Variants in NCAM2 observed in about 807,000 individuals in gnomAD.
The protein encoded by NCAM2 is neural cell adhesion molecule 2, also known as N-CAM-2.
NCAM2 carries 30 observed loss-of-function variants against 98.1 expected under a neutral mutation model. That is an observed-to-expected ratio of 0.31 (90% CI 0.23 to 0.41). The LOEUF is 0.41. Ranked by LOEUF, NCAM2 falls within the 10% of genes least tolerant of loss-of-function variation. The probability of loss-of-function intolerance (pLI) is 1.00; values close to 1 mark genes in which losing one functional copy is unlikely to be tolerated. For missense variants in NCAM2, 867 were observed against 1,005.8 expected (o/e 0.86, Z 1.87); for synonymous variants, 368 against 342.4 (o/e 1.07, Z -0.83).
At chr21:21,115,692 C>T (rs950007590) in intron 1 of NCAM2, among the ~76,000 whole-genome samples, 6 of 152,172 alleles carry the variant, frequency 3.9e-5, no homozygotes, top group Non-Finnish European at 7.4e-5. Flanking sequence ...TATACTCTGA[C>T]ATAATTGTCT....
chr21:21,474,886 GTGTT>G (rs1984953200), intron 14 of NCAM2, among the ~76,000 whole-genome samples: 3 of 151,868 alleles, frequency 2.0e-5, no homozygotes, highest in Middle Eastern at 3.4e-3. Flanking sequence ...TATGTTGTGT[GTGTT>G]TGTGTGTGTA....
intron 5 of NCAM2, among the ~76,000 whole-genome samples, chr21:21,300,325 A>G (rs997869756): frequency 6.6e-6 from 1 of 152,066 alleles, no homozygotes; most frequent in Admixed American, 6.6e-5. Context: ...AGAGACTCTC[A>G]GGTAGAGTTC....
In NCAM2 at chr21:21,528,432, A is replaced by G. The variant is rs558658776; in HGVS notation, c.2283-6105A>G. ...GGAGATGTTGCTAATGGGGGAGGCT[A>G]TGCGTGTGTGGGAGCAGGGGATACG... On this transcript the variant is annotated intron_variant, in intron 16 of 17. Transcript: ENST00000400546. Among the ~76,000 whole-genome samples, 57 of 152,240 alleles carry G rather than the reference A, an allele frequency of 3.7e-4. No homozygotes were observed. In the South Asian group the frequency reaches 0.012, roughly 31 times the overall value.
In NCAM2 at chr21:21,470,067, C is replaced by T. The variant is rs971204478; in HGVS notation, c.1896+1284C>T. On this transcript the variant is annotated intron_variant, in intron 14 of 17. Transcript: ENST00000400546. ...GTTTGTAAGGAATTCTAATACAATCCCACAGTGGACTCTAAAATGCAATGA... is the reference window on the plus strand; with the variant it reads ...GTTTGTAAGGAATTCTAATACAATCTCACAGTGGACTCTAAAATGCAATGA... Among the ~76,000 whole-genome samples, 4 of 151,868 alleles carry T rather than the reference C, an allele frequency of 2.6e-5. No homozygotes were observed. In the South Asian group the frequency reaches 8.3e-4, roughly 31 times the overall value.
chr21:21,066,600 A>G (rs1379109380), intron 1 of NCAM2, among the ~76,000 whole-genome samples: 1 of 152,152 alleles, frequency 6.6e-6, no homozygotes, highest in African/African-American at 2.4e-5. Flanking sequence ...AAAGTTCAAT[A>G]TAAGTATAAA....
intron 1 of NCAM2, among the ~76,000 whole-genome samples, chr21:21,201,928 A>G (rs1389443925): frequency 6.6e-6 from 1 of 152,098 alleles, no homozygotes; most frequent in African/African-American, 2.4e-5. Flanking sequence ...AAATCATGTT[A>G]AAAAAAGACT....
At chr21:21,476,031 A>G (rs1414842953) in intron 14 of NCAM2, among the ~76,000 whole-genome samples, 3 of 152,150 alleles carry the variant, frequency 2.0e-5, no homozygotes, top group South Asian at 4.1e-4. Flanking sequence ...TTTAACTTTC[A>G]CAATTATATT....
intron 1 of NCAM2, among the ~76,000 whole-genome samples, chr21:21,201,693 A>G (rs2069228568): frequency 6.6e-6 from 1 of 152,158 alleles, no homozygotes; most frequent in Admixed American, 6.5e-5. Context: ...AGCATGTTTA[A>G]TGAAGTAGAT....
intron 4 of NCAM2, among the ~76,000 whole-genome samples, chr21:21,290,610 C>T (rs1386134402): frequency 6.6e-6 from 1 of 151,888 alleles, no homozygotes; most frequent in African/African-American, 2.4e-5. Context: ...AAAGTTTACA[C>T]CTCATGGGCT....
At chr21:21,383,086 C>T (rs960832653) in intron 9 of NCAM2, among the ~76,000 whole-genome samples, 1 of 152,078 alleles carries the variant, frequency 6.6e-6, no homozygotes, top group Non-Finnish European at 1.5e-5. Flanking sequence ...TTACAATTCA[C>T]CTCACTGTAC....
At chr21:21,126,236 T>TAAAAAAA (rs778070776) in intron 1 of NCAM2, among the ~76,000 whole-genome samples, 12,417 of 97,342 alleles carry the variant, frequency 0.13, 1,546 homozygotes, top group Non-Finnish European at 0.17. Flanking sequence ...TCATGGAACA[T>TAAAAAAA]AAAAAAAAAA....
chr21:21,192,654 C>T (rs780633172), intron 1 of NCAM2, among the ~76,000 whole-genome samples: 6 of 151,824 alleles, frequency 4.0e-5, no homozygotes, highest in Non-Finnish European at 8.8e-5. Context: ...GAAAGGACAG[C>T]GTAACAAACA....
chr21:21,092,743 A>G (rs192993806), intron 1 of NCAM2, among the ~76,000 whole-genome samples: 65 of 152,124 alleles, frequency 4.3e-4, no homozygotes, highest in African/African-American at 1.5e-3. Flanking sequence ...AATGTGATAC[A>G]TAATTACATA....
chr21:21,037,660 C>A (rs1160160210), intron 1 of NCAM2, among the ~76,000 whole-genome samples: 1 of 152,072 alleles, frequency 6.6e-6, no homozygotes, highest in Non-Finnish European at 1.5e-5. Context: ...ATCAGGATTA[C>A]CATAAACCAA....
intron 15 of NCAM2, among the ~76,000 whole-genome samples, chr21:21,501,605 G>A (rs981070159): frequency 1.0e-4 from 12 of 120,580 alleles, no homozygotes; most frequent in Non-Finnish European, 1.8e-4. Flanking sequence ...AAGCATACAT[G>A]GATTAATGTT....
chr21:21,215,227 C>A (rs1013861338), intron 1 of NCAM2, among the ~76,000 whole-genome samples: 8 of 151,930 alleles, frequency 5.3e-5, no homozygotes, highest in African/African-American at 1.9e-4. Flanking sequence ...TATCATTATG[C>A]AAAGAGTAAG....
chr21:21,208,954 G>A (rs73316708), intron 1 of NCAM2, among the ~76,000 whole-genome samples: 2,497 of 152,124 alleles, frequency 0.016, 81 homozygotes, highest in African/African-American at 0.058. Context: ...TAATAGGCAG[G>A]GGTTGAACAG....
intron 1 of NCAM2, among the ~76,000 whole-genome samples, chr21:21,148,145 ACC>A (rs1168440322): frequency 2.6e-5 from 4 of 152,172 alleles, no homozygotes; most frequent in Non-Finnish European, 5.9e-5. Flanking sequence ...TACTCAGCAC[ACC>A]AATTCAAATG....
At chr21:21,210,924 T>TTC in intron 1 of NCAM2, among the ~76,000 whole-genome samples, 1 of 147,168 alleles carries the variant, frequency 6.8e-6, no homozygotes, top group Non-Finnish European at 1.5e-5. Flanking sequence ...CCAAGGTAGC[T>TTC]TCCATATAGG....
Sources: gnomAD v4.1 joint callset for allele counts (sites outside exome capture counted in the v4.1 genomes callset) on GRCh38, gnomAD v4.1.1 for gene constraint, MANE v1.5 for transcripts, NCBI Gene and HGNC (gene_info 2026-07-23, HGNC 2026-07-21) for gene names.